Variants in CES5A observed in about 807,000 individuals in gnomAD.
The protein encoded by CES5A is carboxylesterase 5.
In CES5A, 67 loss-of-function variants were observed where a neutral mutation model predicts 62.9. The observed-to-expected ratio is 1.07, with a 90% CI of 0.88 to 1.31. CES5A has a LOEUF of 1.31. Ranked by LOEUF, CES5A falls within the 50% of genes most tolerant of loss-of-function variation. The pLI, the probability that CES5A is intolerant of heterozygous loss-of-function variation, is 0.00. For synonymous variants in CES5A, 296 were observed against 280.8 expected (o/e 1.05, Z -0.54); for missense variants, 748 against 708.5 (o/e 1.06, Z -0.63).
chr16:55,881,208 CT>C, intron 1 of CES5A, among the ~76,000 whole-genome samples: 1 of 152,180 alleles, frequency 6.6e-6, no homozygotes, highest in East Asian at 1.9e-4. Context: ...CAAGATAAAG[CT>C]TTTCCTCATC....
intron 1 of CES5A, among the ~76,000 whole-genome samples, chr16:55,924,699 C>T (rs1396824039): frequency 6.6e-6 from 1 of 151,990 alleles, no homozygotes; most frequent in African/African-American, 2.4e-5. Context: ...ACTAAATCAG[C>T]GTGCTACTGG....
chr16:55,879,666 G>A (rs1396582850), upstream of CES5A, among the ~76,000 whole-genome samples: 6 of 152,146 alleles, frequency 3.9e-5, no homozygotes, highest in Non-Finnish European at 8.8e-5. Context: ...CTTGAGCACA[G>A]TGGCATGACA....
At chr16:55,937,415 GC>G (rs1409086656) in intron 2 of CES5A, among the ~76,000 whole-genome samples, 1 of 152,190 alleles carries the variant, frequency 6.6e-6, no homozygotes, top group African/African-American at 2.4e-5. Flanking sequence ...TTACCTAAAG[GC>G]CTCCATCCTG....
chr16:55,924,561 GA>G (rs1254051066), intron 1 of CES5A, among the ~76,000 whole-genome samples: 4 of 151,560 alleles, frequency 2.6e-5, no homozygotes, highest in African/African-American at 7.3e-5. Flanking sequence ...TACAGAAATA[GA>G]AAAAAAATTC....
upstream of CES5A, among the ~76,000 whole-genome samples, chr16:55,876,618 A>C (rs1208821000): frequency 6.6e-6 from 1 of 152,180 alleles, no homozygotes. Context: ...TGATGGGCTG[A>C]AATGTGTGCT....
At chr16:55,939,766 C>T (rs183088475) in intron 2 of CES5A, among the ~76,000 whole-genome samples, 100 of 151,836 alleles carry the variant, frequency 6.6e-4, no homozygotes, top group Admixed American at 6.5e-3. Context: ...GAGCATGATC[C>T]TGGATCATAA....
At chr16:55,942,061 C>T (rs1314671210) in intron 2 of CES5A, among the ~76,000 whole-genome samples, 2 of 152,062 alleles carry the variant, frequency 1.3e-5, no homozygotes, top group Non-Finnish European at 2.9e-5. Flanking sequence ...ATCTTCATTC[C>T]ATACACAAAC....
In CES5A at chr16:55,863,462, G is replaced by C; in HGVS notation, c.706-10C>G. 1.5e-6 allele frequency: 2 copies of C among 1,374,830 alleles called. No individual in the cohort carries two copies. Among genetic ancestry groups the C allele is most frequent in the Non-Finnish European group, 2.1e-6 (2 of 963,434 alleles). The allele number at this position is 1,374,830 out of a possible 1,614,324, so 85.2% of individuals were successfully genotyped here. Reference sequence around the variant, plus strand: ...CCATGGGAGACAGTATCTGGAGAGAGAACACAGAAGACCCAGGAAAGGTTA... The same window carrying C: ...CCATGGGAGACAGTATCTGGAGAGACAACACAGAAGACCCAGGAAAGGTTA... On this transcript the variant is annotated splice_polypyrimidine_tract_variant and intron_variant, in intron 5 of 12. Transcript: ENST00000290567.
chr16:55,893,980 C>T lies in CES5A; in HGVS notation c.-255-19943G>A, dbSNP rs549686632. On this transcript the variant is annotated intron_variant, in intron 1 of 12. Coordinates refer to the CES5A transcript ENST00000518005. ...AAGGCTTAAAAAACTTTGCCAAAAG[C>T]CAAAGAATAAAAGACACATTGGATT... Among the ~76,000 whole-genome samples, 5 of 151,330 alleles carry T rather than the reference C, an allele frequency of 3.3e-5. No individual in the cohort carries two copies. In the South Asian group the frequency reaches 1.0e-3, roughly 32 times the overall value.
chr16:55,887,209 G>A (rs531902296), intron 1 of CES5A, among the ~76,000 whole-genome samples: 2 of 152,090 alleles, frequency 1.3e-5, no homozygotes, highest in East Asian at 1.9e-4. Flanking sequence ...CAGAATTTGT[G>A]TTTCATGTTC....
At chr16:55,940,394 A>G (rs1658636290) in intron 2 of CES5A, among the ~76,000 whole-genome samples, 1 of 152,066 alleles carries the variant, frequency 6.6e-6, no homozygotes, top group South Asian at 2.1e-4. Flanking sequence ...ATAAGGTAAT[A>G]CTACAAACAT....
At chr16:55,847,725 T>C (rs934199896) in intron 11 of CES5A, among the ~76,000 whole-genome samples, 1 of 152,208 alleles carries the variant, frequency 6.6e-6, no homozygotes, top group Non-Finnish European at 1.5e-5. Flanking sequence ...TATGAGCATG[T>C]AATATACAAA....
intron 1 of CES5A, among the ~76,000 whole-genome samples, chr16:55,895,724 T>C (rs140200572): frequency 2.0e-5 from 3 of 152,334 alleles, no homozygotes; most frequent in East Asian, 3.9e-4. Context: ...AGAATGATTG[T>C]ATTTTACACG....
chr16:55,897,744 A>G (rs921413550), intron 1 of CES5A, among the ~76,000 whole-genome samples: 4 of 152,354 alleles, frequency 2.6e-5, no homozygotes, highest in South Asian at 4.1e-4. Context: ...ATCAGATTTT[A>G]AAAGTTAATT....
rs777588804 is a variant in CES5A, at chr16:55,859,574, GTTA to G, written c.1026_1028del (p.Asn343del). 18 of 1,613,508 alleles carry G rather than the reference GTTA, an allele frequency of 1.1e-5. No individual in the cohort carries two copies. Among genetic ancestry groups the G allele is most frequent in the Non-Finnish European group, 1.4e-5 (17 of 1,179,876 alleles). On this transcript the variant is annotated inframe_deletion, in exon 8 of 13. Coordinates refer to ENST00000290567, the MANE Select transcript of CES5A (RefSeq NM_001143685.2). ...TAGGCAGCAGGAAGCCACACTCGTG[GTTA>G]TTGACTCCGATGATGGAAGGAATTG...
At position 55,846,592 on chromosome 16, in the gene CES5A, C is replaced by G. The variant is rs2033015051; in HGVS notation, c.1587G>C (p.Gln529His). 1.2e-6 allele frequency: 2 copies of G among 1,614,190 alleles called. No individual in the cohort carries two copies. The highest frequency in any genetic ancestry group is 2.2e-5 in the South Asian group (2 of 91,084). Residue 529 changes from glutamine (Q) to histidine (H), a missense_variant, in exon 13 of 13, where the codon CAG (glutamine) becomes CAC (histidine). Physicochemically the swap from Gln to His is conservative, Grantham distance 24. Coordinates refer to ENST00000290567, the MANE Select transcript of CES5A (RefSeq NM_001143685.2). ...AATCCACCCGCGGTTCTTTGAGTCT[C>G]TGTCCGAGGCTCATGTTCAAGTCCA... ...LQLDLNMSLG[Q>H]RLKEPRVDFW...
At chr16:55,905,871 G>C (rs2142445819) in intron 1 of CES5A, among the ~76,000 whole-genome samples, 1 of 152,304 alleles carries the variant, frequency 6.6e-6, no homozygotes, top group African/African-American at 2.4e-5. Context: ...AGAAGTGGGA[G>C]GAAAAGGATG....
At chr16:55,884,305 C>G (rs542488542) in intron 1 of CES5A, among the ~76,000 whole-genome samples, 1 of 152,340 alleles carries the variant, frequency 6.6e-6, no homozygotes, top group African/African-American at 2.4e-5. Context: ...AGCAGCACCT[C>G]TGTCGACAGT....
intron 2 of CES5A, among the ~76,000 whole-genome samples, chr16:55,942,501 G>A (rs1296957185): frequency 5.3e-5 from 8 of 152,310 alleles, no homozygotes; most frequent in Non-Finnish European, 7.4e-5. Flanking sequence ...GTGAGACACC[G>A]TTTTATGCTC....
Sources: gnomAD v4.1 joint callset for allele counts (sites outside exome capture counted in the v4.1 genomes callset) on GRCh38, gnomAD v4.1.1 for gene constraint, MANE v1.5 for transcripts, NCBI Gene and HGNC (gene_info 2026-07-23, HGNC 2026-07-21) for gene names.